Variants in SCP2 observed in about 807,000 individuals in gnomAD.
SCP2 encodes sterol carrier protein 2.
In SCP2, 48 loss-of-function variants were observed where a neutral mutation model predicts 71.4. The observed-to-expected ratio is 0.67, with a 90% CI of 0.53 to 0.86. SCP2 has a LOEUF of 0.86. Among genes scored for constraint, SCP2 ranks in the 40% least tolerant of loss-of-function variants. The probability of loss-of-function intolerance (pLI) is 0.00; values close to 1 mark genes in which losing one functional copy is unlikely to be tolerated. For missense variants in SCP2, 560 were observed against 655.6 expected, an observed-to-expected ratio of 0.85 and a Z score of 1.59; for synonymous variants, 220 against 218.1, an observed-to-expected ratio of 1.01 and a Z score of -0.08.
At chr1:52,969,306 C>T (rs760134285) in intron 6 of SCP2, among the ~76,000 whole-genome samples, 12 of 151,518 alleles carry the variant, frequency 7.9e-5, no homozygotes, top group South Asian at 2.1e-4. Flanking sequence ...GCAGGTAGAT[C>T]GCTTGAGCCC....
chr1:52,966,975 G>A (rs2150151504), intron 6 of SCP2, among the ~76,000 whole-genome samples: 1 of 152,192 alleles, frequency 6.6e-6, no homozygotes, highest in Middle Eastern at 3.4e-3. Flanking sequence ...ATTACCTGAG[G>A]TCAGGAGTTC....
chr1:53,029,200 C>G (rs1572209750), intron 13 of SCP2, among the ~76,000 whole-genome samples: 1 of 151,842 alleles, frequency 6.6e-6, no homozygotes, highest in Non-Finnish European at 1.5e-5. Context: ...GAAAGTTATT[C>G]TCTTCACGCA....
intron 4 of SCP2, among the ~76,000 whole-genome samples, chr1:52,953,553 C>T (rs927505805): frequency 2.6e-5 from 4 of 151,980 alleles, no homozygotes; most frequent in African/African-American, 9.7e-5. Context: ...GCCATGTTGC[C>T]CAGACTGGTC....
intron 11 of SCP2, among the ~76,000 whole-genome samples, chr1:52,991,494 A>T (rs574877702): frequency 6.6e-6 from 1 of 151,530 alleles, no homozygotes; most frequent in South Asian, 2.1e-4. Flanking sequence ...TCCGCCTCCC[A>T]GGTTCAAGCG....
chr1:53,047,800 G>C, intron 14 of SCP2, 58 bp from the exon 15 acceptor site: 2 of 1,222,930 alleles, frequency 1.6e-6, no homozygotes, highest in Non-Finnish European at 2.4e-6. Flanking sequence ...TGACAAAAAT[G>C]TATATGTGAA....
At chr1:53,034,538 T>C (rs1439041958) in intron 13 of SCP2, among the ~76,000 whole-genome samples, 1 of 152,158 alleles carries the variant, frequency 6.6e-6, no homozygotes, top group Non-Finnish European at 1.5e-5. Flanking sequence ...TGGTTTTGGT[T>C]GTACAACCTT....
At chr1:53,003,144 A>G (rs1660425546) in intron 11 of SCP2, among the ~76,000 whole-genome samples, 1 of 152,168 alleles carries the variant, frequency 6.6e-6, no homozygotes, top group African/African-American at 2.4e-5. Context: ...AGCCCAGGAG[A>G]TGGTGTCTAC....
intron 4 of SCP2, 87 bp downstream of exon 4, chr1:52,950,973 T>C: frequency 2.0e-6 from 3 of 1,469,856 alleles, no homozygotes; most frequent in Non-Finnish European, 2.8e-6. Flanking sequence ...TTTTATAATG[T>C]ATTTGTTTTA....
Position 52,927,478 on chromosome 1 carries a change from G to A in SCP2, c.69+13G>A, listed in dbSNP as rs373753458. ...TGGCATGACCAAGGTAAACCGAGCA[G>A]CGGCCCTGCTGGCCCTCTGAGGCTC... is the stretch of plus-strand genomic sequence containing the variant. On this transcript the variant is annotated intron_variant, in intron 1 of 15. Transcript: ENST00000371514. 1.9e-6 allele frequency: 3 copies of A among 1,587,754 alleles called. No homozygotes were observed. The highest frequency in any genetic ancestry group is 2.6e-6 in the Non-Finnish European group (3 of 1,166,872).
intron 11 of SCP2, chr1:52,995,913 T>C: frequency 6.7e-7 from 1 of 1,491,504 alleles, no homozygotes; most frequent in Non-Finnish European, 8.9e-7. Context: ...GAGACGAGAG[T>C]TCAACAAGGC....
At chr1:52,973,411 A>G (rs145695927) in intron 6 of SCP2, among the ~76,000 whole-genome samples, 13 of 152,032 alleles carry the variant, frequency 8.6e-5, no homozygotes, top group Admixed American at 2.6e-4. Context: ...CCACACTACG[A>G]TATTTCCTTA....
chr1:52,932,073 G>A (rs976990279), intron 1 of SCP2, among the ~76,000 whole-genome samples: 3 of 151,826 alleles, frequency 2.0e-5, no homozygotes, highest in Admixed American at 2.0e-4. Flanking sequence ...TATTAGGAGA[G>A]AAAATAAAAT....
intron 5 of SCP2, among the ~76,000 whole-genome samples, chr1:52,956,787 T>A (rs1393465975): frequency 6.6e-6 from 1 of 152,146 alleles, no homozygotes; most frequent in Non-Finnish European, 1.5e-5. Flanking sequence ...CAGTGAATGG[T>A]ACATATGCTG....
At chr1:52,935,302 C>T (rs919931355) in intron 1 of SCP2, among the ~76,000 whole-genome samples, 12 of 151,766 alleles carry the variant, frequency 7.9e-5, no homozygotes, top group African/African-American at 1.7e-4. Flanking sequence ...CTCCACTTGG[C>T]GGGGCGTGGT....
intron 5 of SCP2, among the ~76,000 whole-genome samples, chr1:52,960,544 A>G (rs985984985): frequency 6.9e-6 from 1 of 144,660 alleles, no homozygotes; most frequent in African/African-American, 2.6e-5. Context: ...ATATGTATGT[A>G]TATACATGTG....
chr1:52,945,139 C>G (rs929481446), intron 2 of SCP2, among the ~76,000 whole-genome samples: 1 of 151,910 alleles, frequency 6.6e-6, no homozygotes, highest in Non-Finnish European at 1.5e-5. Flanking sequence ...AGCATTTTTC[C>G]CCTATGGCTA....
chr1:52,983,178 A>G (rs560606772), intron 10 of SCP2, among the ~76,000 whole-genome samples: 8 of 152,270 alleles, frequency 5.3e-5, no homozygotes, highest in African/African-American at 1.7e-4. Flanking sequence ...TGACCGCCAT[A>G]GTTTCTAACG....
At chr1:52,993,704 T>A in intron 11 of SCP2, 1 of 1,611,748 alleles carries the variant, frequency 6.2e-7, no homozygotes, top group Non-Finnish European at 8.5e-7. Context: ...AAAATAGGAC[T>A]CCCAACTTAG....
chr1:52,980,083 C>T (rs1658348692), intron 9 of SCP2, among the ~76,000 whole-genome samples: 1 of 152,064 alleles, frequency 6.6e-6, no homozygotes, highest in Non-Finnish European at 1.5e-5. Flanking sequence ...AAACGATCCT[C>T]CCAGCTCAGC....
Sources: allele counts gnomAD v4.1 joint callset (sites outside exome capture counted in the v4.1 genomes callset), GRCh38; gene constraint gnomAD v4.1.1; transcripts MANE v1.5; gene names NCBI Gene and HGNC (gene_info 2026-07-23, HGNC 2026-07-21).